The following GRM8 variants were observed in gnomAD, a reference collection of about 807,000 sequenced individuals.
The protein encoded by GRM8 is metabotropic glutamate receptor 8.
In GRM8, 47 loss-of-function variants were observed where a neutral mutation model predicts 87.2. The ratio of observed to expected loss-of-function variants is 0.54; its 90% CI spans 0.43 to 0.69. The LOEUF (loss-of-function observed/expected upper bound fraction) is 0.69. Among genes scored for constraint, GRM8 ranks in the 30% least tolerant of loss-of-function variants. The pLI is 0.00. For synonymous variants in GRM8, 396 were observed against 404.5 expected, an observed-to-expected ratio of 0.98 and a Z score of 0.25; for missense variants, 1,019 against 1,139.2, an observed-to-expected ratio of 0.89 and a Z score of 1.52.
intron 3 of GRM8, among the ~76,000 whole-genome samples, chr7:127,077,865 G>C (rs1247833551): frequency 1.3e-5 from 2 of 152,148 alleles, no homozygotes; most frequent in Non-Finnish European, 2.9e-5. Context: ...AACTGGAGGG[G>C]ATTTTGTTCA....
intron 7 of GRM8, among the ~76,000 whole-genome samples, chr7:126,744,050 A>C (rs34137725): frequency 0.39 from 59,253 of 151,846 alleles, 12,771 homozygotes; most frequent in Non-Finnish European, 0.48. Flanking sequence ...TGCTAGTTTC[A>C]CTTAAGAATG....
At chr7:126,689,482 GA>G (rs1184288211) in intron 7 of GRM8, among the ~76,000 whole-genome samples, 1 of 152,182 alleles carries the variant, frequency 6.6e-6, no homozygotes, top group Non-Finnish European at 1.5e-5. Context: ...CTAAAATAAT[GA>G]AAGCTGAGTA....
intron 2 of GRM8, among the ~76,000 whole-genome samples, chr7:127,177,166 C>A (rs964221125): frequency 1.3e-5 from 2 of 152,112 alleles, no homozygotes; most frequent in African/African-American, 4.8e-5. Flanking sequence ...GGGGTGGGGG[C>A]ACAGTGGGAG....
chr7:127,182,253 A>T (rs1563563334), intron 2 of GRM8, among the ~76,000 whole-genome samples: 1 of 152,168 alleles, frequency 6.6e-6, no homozygotes, highest in Non-Finnish European at 1.5e-5. Context: ...AATGCTCAAC[A>T]TCACTAATGA....
At chr7:126,761,114 C>T (rs954545830) in intron 7 of GRM8, among the ~76,000 whole-genome samples, 2 of 151,958 alleles carry the variant, frequency 1.3e-5, no homozygotes, top group Non-Finnish European at 2.9e-5. Context: ...AAGAGAATTG[C>T]TTGAACTCAG....
intron 8 of GRM8, among the ~76,000 whole-genome samples, chr7:126,556,922 T>C (rs1446627228): frequency 6.6e-6 from 1 of 152,212 alleles, no homozygotes; most frequent in Non-Finnish European, 1.5e-5. Context: ...TTAGTTTTAT[T>C]TGTAATTCAT....
chr7:127,134,003 T>A (rs1015025686), intron 2 of GRM8, among the ~76,000 whole-genome samples: 8 of 152,188 alleles, frequency 5.3e-5, no homozygotes, highest in Non-Finnish European at 1.0e-4. Context: ...CCGCATTTTA[T>A]CTCTGTGAGT....
chr7:127,034,702 G>C (rs568215749), intron 3 of GRM8, among the ~76,000 whole-genome samples: 1 of 152,308 alleles, frequency 6.6e-6, no homozygotes, highest in East Asian at 1.9e-4. Context: ...GTTTTCACTA[G>C]TACAAGCTCC....
intron 7 of GRM8, chr7:126,701,955 T>C (rs1585584130): frequency 3.0e-6 from 1 of 331,370 alleles, no homozygotes; most frequent in Non-Finnish European, 6.2e-6. Flanking sequence ...TACCCATTTC[T>C]TTCTCCGAAG....
chr7:126,886,557 A>G (rs1341882170), intron 6 of GRM8, among the ~76,000 whole-genome samples: 1 of 152,104 alleles, frequency 6.6e-6, no homozygotes, highest in East Asian at 1.9e-4. Flanking sequence ...GCTAATAACA[A>G]AATCCATAGA....
intron 3 of GRM8, among the ~76,000 whole-genome samples, chr7:127,022,224 G>A (rs993639066): frequency 1.3e-5 from 2 of 151,338 alleles, no homozygotes; most frequent in African/African-American, 4.9e-5. Flanking sequence ...TCACTGTGTG[G>A]TAACTGTCTG....
At chr7:127,067,076 C>G (rs1361629602) in intron 3 of GRM8, among the ~76,000 whole-genome samples, 3 of 152,128 alleles carry the variant, frequency 2.0e-5, no homozygotes, top group Non-Finnish European at 2.9e-5. Flanking sequence ...TGATAAAGGC[C>G]CAAATGCCAA....
chr7:127,015,067 GA>G (rs777946186), intron 3 of GRM8, among the ~76,000 whole-genome samples: 2,646 of 88,220 alleles, frequency 0.03, 31 homozygotes, highest in Middle Eastern at 0.049. Flanking sequence ...AGAAGAAGAA[GA>G]AAGAAAGAAG....
chr7:126,686,716 G>T (rs1281420968), intron 7 of GRM8, among the ~76,000 whole-genome samples: 1 of 152,164 alleles, frequency 6.6e-6, no homozygotes, highest in Non-Finnish European at 1.5e-5. Flanking sequence ...GTCTCCCTTG[G>T]AGGCATAGGA....
At chr7:126,803,401 T>C (rs1374437284) in intron 6 of GRM8, among the ~76,000 whole-genome samples, 2 of 152,182 alleles carry the variant, frequency 1.3e-5, no homozygotes, top group Non-Finnish European at 2.9e-5. Flanking sequence ...AGCACTTAGT[T>C]GAGAGGAGGG....
At chr7:127,136,454 G>A (rs1226722400) in intron 2 of GRM8, among the ~76,000 whole-genome samples, 1 of 152,082 alleles carries the variant, frequency 6.6e-6, no homozygotes, top group African/African-American at 2.4e-5. Flanking sequence ...ATTCAACTGT[G>A]TGTTATAAAG....
At chr7:127,075,800 T>C (rs1445119966) in intron 3 of GRM8, among the ~76,000 whole-genome samples, 1 of 152,168 alleles carries the variant, frequency 6.6e-6, no homozygotes, top group African/African-American at 2.4e-5. Flanking sequence ...TAATGTTCAC[T>C]GGGATCCTGA....
chr7:126,790,153 G>A (rs62470209), intron 6 of GRM8, among the ~76,000 whole-genome samples: 45,996 of 151,852 alleles, frequency 0.3, 7,575 homozygotes, highest in Middle Eastern at 0.43. Flanking sequence ...GATTACAGGC[G>A]TGCACCACAA....
At chr7:126,659,115 A>C (rs893222635) in intron 7 of GRM8, among the ~76,000 whole-genome samples, 1 of 141,944 alleles carries the variant, frequency 7.0e-6, no homozygotes, top group African/African-American at 2.6e-5. Context: ...CTTGTTATCT[A>C]CTCTTAGAGA....
Sources: allele counts gnomAD v4.1 joint callset (sites outside exome capture counted in the v4.1 genomes callset), GRCh38; gene constraint gnomAD v4.1.1; transcripts MANE v1.5; gene names NCBI Gene and HGNC (gene_info 2026-07-23, HGNC 2026-07-21).